Variants in COL13A1 observed in about 807,000 individuals in gnomAD.
COL13A1 encodes collagen type XIII alpha 1 chain.
COL13A1 carries 89 observed loss-of-function variants against 130.9 expected under a neutral mutation model. The ratio of observed to expected loss-of-function variants is 0.68; its 90% CI spans 0.57 to 0.81. COL13A1 has a LOEUF of 0.81. COL13A1 is among the 30% of genes least tolerant of loss of function. The pLI, the probability that COL13A1 is intolerant of heterozygous loss-of-function variation, is 0.00. For synonymous variants in COL13A1, 402 were observed against 341.6 expected, an observed-to-expected ratio of 1.18 and a Z score of -1.95; for missense variants, 879 against 934.6, an observed-to-expected ratio of 0.94 and a Z score of 0.78.
chr10:69,906,018 C>T (rs2062716732), intron 17 of COL13A1, among the ~76,000 whole-genome samples, 196 bp downstream of exon 17: 1 of 152,222 alleles, frequency 6.6e-6, no homozygotes, highest in Non-Finnish European at 1.5e-5. Context: ...AGGCAGAGTT[C>T]TTTCTGTGCT....
intron 35 of COL13A1, among the ~76,000 whole-genome samples, chr10:69,943,514 G>A (rs187801214): frequency 7.6e-4 from 115 of 152,174 alleles, no homozygotes; most frequent in Middle Eastern, 3.4e-3. Context: ...CTCATGACAC[G>A]CCTCCCTGCC....
intron 1 of COL13A1, 55 bp downstream of exon 1, chr10:69,802,772 G>C: frequency 6.3e-7 from 1 of 1,598,478 alleles, no homozygotes; most frequent in East Asian, 2.3e-5. Flanking sequence ...CCCTCGCGCA[G>C]CCTCCAGACT....
chr10:69,837,316 C>T (rs1351425142), intron 2 of COL13A1, among the ~76,000 whole-genome samples: 2 of 152,178 alleles, frequency 1.3e-5, no homozygotes, highest in African/African-American at 2.4e-5. Flanking sequence ...AAATGCTTGA[C>T]CACATCAGCT....
At chr10:69,874,811 G>A (rs192860300) in intron 4 of COL13A1, among the ~76,000 whole-genome samples, 12 of 152,346 alleles carry the variant, frequency 7.9e-5, no homozygotes, top group African/African-American at 2.2e-4. Context: ...CAACAGTGAA[G>A]TCTAAGGGAG....
chr10:69,913,742 G>A (rs972571234), intron 17 of COL13A1, among the ~76,000 whole-genome samples: 3 of 152,144 alleles, frequency 2.0e-5, no homozygotes, highest in African/African-American at 7.2e-5. Flanking sequence ...TCAGAGGTCA[G>A]GCAGGGGCAG....
chr10:69,812,604 G>T (rs1314425512), intron 1 of COL13A1, among the ~76,000 whole-genome samples: 1 of 152,170 alleles, frequency 6.6e-6, no homozygotes, highest in Non-Finnish European at 1.5e-5. Context: ...GTCTTTCCAG[G>T]CTGTGTGCTG....
Position 69,802,556 on chromosome 10 carries a change from T to C in COL13A1, c.133T>C (p.Cys45Arg). The C allele has an allele frequency of 1.2e-6, 2 of 1,609,402 alleles. No individual in the cohort carries two copies. The highest frequency in any genetic ancestry group is 1.7e-6 in the Non-Finnish European group (2 of 1,178,072). ...RGARLPSPGS[C>R]GLLTLALCSL... ...CGCACGGCTGCCGAGTCCAGGGTCG[T>C]GCGGGCTGCTGACGCTGGCCCTCTG... is the stretch of plus-strand genomic sequence containing the variant. The change falls in exon 1 of 41, where the codon TGC becomes CGC. Residue 45 changes from cysteine (C) to arginine (R), a missense_variant. Around this residue, in one of 3 missense-constraint regions of COL13A1, gnomAD observed 715 missense variants for 721.0 expected, o/e 0.99. Transcript: ENST00000645393.
At chr10:69,943,007 C>T (rs1288581867) in intron 35 of COL13A1, among the ~76,000 whole-genome samples, 3 of 152,172 alleles carry the variant, frequency 2.0e-5, no homozygotes, top group Non-Finnish European at 1.5e-5. Flanking sequence ...ACCACCATGC[C>T]GGACTAAATG....
chr10:69,810,353 AG>A (rs1842670969), intron 1 of COL13A1, among the ~76,000 whole-genome samples: 4 of 103,552 alleles, frequency 3.9e-5, no homozygotes, highest in Non-Finnish European at 7.7e-5. Context: ...AGAATGAGAG[AG>A]AGAGAGAGAG....
intron 2 of COL13A1, among the ~76,000 whole-genome samples, chr10:69,842,869 C>T (rs925653069): frequency 2.6e-5 from 4 of 152,182 alleles, no homozygotes; most frequent in African/African-American, 7.2e-5. Context: ...GACGGGGTCC[C>T]GGCAGTGACC....
intron 21 of COL13A1, among the ~76,000 whole-genome samples, chr10:69,920,555 G>C (rs993653088): frequency 2.0e-5 from 3 of 152,210 alleles, no homozygotes; most frequent in Non-Finnish European, 4.4e-5. Context: ...CAATAGGATT[G>C]GTGGCCCTAG....
intron 2 of COL13A1, among the ~76,000 whole-genome samples, chr10:69,844,859 T>C (rs1852572918): frequency 6.6e-6 from 1 of 152,214 alleles, no homozygotes; most frequent in Non-Finnish European, 1.5e-5. Flanking sequence ...GGGAAGCAGA[T>C]GGGATTGAGC....
chr10:69,884,389 G>T (rs549916322), intron 7 of COL13A1, among the ~76,000 whole-genome samples: 1 of 152,350 alleles, frequency 6.6e-6, no homozygotes, highest in South Asian at 2.1e-4. Flanking sequence ...TGCCGGCAAG[G>T]AGTCTTGTTG....
intron 39 of COL13A1, chr10:69,956,729 G>A: frequency 2.5e-6 from 1 of 395,530 alleles, no homozygotes; most frequent in Non-Finnish European, 4.8e-6. Context: ...TGGCACGGAA[G>A]GACATCTCTG....
intron 36 of COL13A1, among the ~76,000 whole-genome samples, chr10:69,944,900 C>G (rs4082516): frequency 0.12 from 17,525 of 152,164 alleles, 1,136 homozygotes; most frequent in Middle Eastern, 0.3. Flanking sequence ...GATAATTCCT[C>G]GAGGACAGCA....
chr10:69,898,133 G>A (rs1044878196), intron 13 of COL13A1, among the ~76,000 whole-genome samples: 5 of 152,168 alleles, frequency 3.3e-5, no homozygotes, highest in African/African-American at 1.2e-4. Context: ...ACCCTCCCCA[G>A]ATGCGCTGAC....
intron 31 of COL13A1, among the ~76,000 whole-genome samples, chr10:69,934,235 G>A (rs2066527231): frequency 6.6e-6 from 1 of 152,164 alleles, no homozygotes; most frequent in Non-Finnish European, 1.5e-5. Context: ...CCAGTTCTGT[G>A]AATGTTAATG....
chr10:69,897,363 C>T, intron 13 of COL13A1: 2 of 1,161,332 alleles, frequency 1.7e-6, no homozygotes, highest in Non-Finnish European at 1.2e-6. Context: ...CCTGTGGCTT[C>T]CCCAGGGAGG....
At position 69,846,606 on chromosome 10, in the gene COL13A1, C is replaced by A. The variant is rs929182230; in HGVS notation, c.365-21192C>A. On this transcript the variant is annotated intron_variant, in intron 2 of 40. Transcript: ENST00000645393. ...CTTTCCAAGCTTAGGGACATTCAAT[C>A]CTTCCTTTGATGGACAGCCAAGAAA... 1.2e-4 allele frequency among the ~76,000 whole-genome samples: 18 copies of A among 145,676 alleles called. No individual in the cohort carries two copies. The South Asian group carries it at 2.7e-3, about 22-fold the overall frequency.
Sources: allele counts gnomAD v4.1 joint callset (sites outside exome capture counted in the v4.1 genomes callset), GRCh38; gene constraint gnomAD v4.1.1; regional missense constraint gnomAD v4.1.1; transcripts MANE v1.5; gene names NCBI Gene and HGNC (gene_info 2026-07-23, HGNC 2026-07-21).